Variants in CDH13 observed in about 807,000 individuals in gnomAD.
CDH13 encodes cadherin 13.
A neutral mutation model predicts 63.8 loss-of-function variants in CDH13; 24 were observed. The observed-to-expected ratio is 0.38, with a 90% CI of 0.27 to 0.53. CDH13 has a LOEUF of 0.53. Among genes scored for constraint, CDH13 ranks in the 20% least tolerant of loss-of-function variants. CDH13 has a pLI of 0.85. For synonymous variants in CDH13, 503 were observed against 355.3 expected (o/e 1.42, Z -4.67); for missense variants, 1,049 against 903.1 (o/e 1.16, Z -2.07).
intron 10 of CDH13, among the ~76,000 whole-genome samples, chr16:83,683,944 G>A (rs1348431380): frequency 6.6e-6 from 1 of 152,214 alleles, no homozygotes; most frequent in Non-Finnish European, 1.5e-5. Flanking sequence ...GTCTCCAGGT[G>A]AGATGATGAT....
intron 10 of CDH13, among the ~76,000 whole-genome samples, chr16:83,682,598 C>G (rs950362131): frequency 6.6e-6 from 1 of 152,146 alleles, no homozygotes; most frequent in African/African-American, 2.4e-5. Flanking sequence ...ACCACAGTTG[C>G]TGCTGTGTCC....
chr16:82,816,813 G>A (rs1567564495), intron 1 of CDH13, among the ~76,000 whole-genome samples: 1 of 118,332 alleles, frequency 8.5e-6, no homozygotes, highest in South Asian at 3.4e-4. Context: ...CGGGGGGCGG[G>A]GGGTGGGGGG....
intron 1 of CDH13, among the ~76,000 whole-genome samples, chr16:82,674,229 G>A (rs1408531098): frequency 6.6e-6 from 1 of 152,126 alleles, no homozygotes; most frequent in Non-Finnish European, 1.5e-5. Context: ...ATTGGCCTAT[G>A]GAAGTCACCA....
intron 7 of CDH13, among the ~76,000 whole-genome samples, chr16:83,578,943 A>G (rs745367566): frequency 4.6e-5 from 7 of 152,242 alleles, no homozygotes; most frequent in Non-Finnish European, 8.8e-5. Context: ...GGTAGTTAGT[A>G]GCGGAGTCAA....
chr16:82,842,586 G>A lies in CDH13; in HGVS notation c.46-15776G>A, dbSNP rs563753514. On this transcript the variant is annotated intron_variant, in intron 1 of 13. Transcript: ENST00000567109. ...TTTTGCTGTTTCTATGAGGTCAGAAGTCCCCAACTTTTTGGCACTAGGACT... is the reference window on the plus strand; with the variant it reads ...TTTTGCTGTTTCTATGAGGTCAGAAATCCCCAACTTTTTGGCACTAGGACT... Among the ~76,000 whole-genome samples the A allele has an allele frequency of 5.9e-5, 9 of 152,208 alleles. No individual in the cohort carries two copies. The East Asian group carries it at 1.5e-3, about 26-fold the overall frequency.
At chr16:83,755,723 A>C (rs1349526274) in intron 11 of CDH13, among the ~76,000 whole-genome samples, 1 of 150,050 alleles carries the variant, frequency 6.7e-6, no homozygotes, top group African/African-American at 2.4e-5. Context: ...TCCCTTCAAA[A>C]TCAAGGTGAA....
At chr16:82,973,533 T>C (rs1404797045) in intron 2 of CDH13, among the ~76,000 whole-genome samples, 3 of 152,162 alleles carry the variant, frequency 2.0e-5, no homozygotes, top group Non-Finnish European at 2.9e-5. Context: ...GAAAACAAGG[T>C]GTAGTCCCTA....
chr16:82,683,669 ATAAT>A (rs1411205242), intron 1 of CDH13, among the ~76,000 whole-genome samples: 2 of 152,216 alleles, frequency 1.3e-5, no homozygotes, highest in African/African-American at 4.8e-5. Context: ...GTTGATAGAG[ATAAT>A]TAATTAGGAA....
intron 4 of CDH13, among the ~76,000 whole-genome samples, chr16:83,149,142 GA>G (rs1328803796): frequency 6.6e-6 from 1 of 152,128 alleles, no homozygotes; most frequent in Non-Finnish European, 1.5e-5. Flanking sequence ...GGTAAGGTTG[GA>G]ATTACATTAT....
At chr16:83,422,088 G>C (rs542591547) in intron 6 of CDH13, among the ~76,000 whole-genome samples, 1 of 152,090 alleles carries the variant, frequency 6.6e-6, no homozygotes, top group Non-Finnish European at 1.5e-5. Flanking sequence ...CAGAAAAGTT[G>C]GTAGATTTTG....
chr16:82,667,036 G>A (rs372056866), intron 1 of CDH13, among the ~76,000 whole-genome samples: 13 of 152,148 alleles, frequency 8.5e-5, no homozygotes, highest in East Asian at 5.8e-4. Context: ...GCCTTCTGAT[G>A]TTTCTCTCCA....
chr16:82,885,553 A>C (rs1306192616), intron 2 of CDH13, among the ~76,000 whole-genome samples: 1 of 151,680 alleles, frequency 6.6e-6, no homozygotes, highest in African/African-American at 2.4e-5. Flanking sequence ...CCAGCCATCC[A>C]TCCATTCACT....
At chr16:83,372,763 A>C (rs913065314) in intron 6 of CDH13, among the ~76,000 whole-genome samples, 1 of 151,408 alleles carries the variant, frequency 6.6e-6, no homozygotes, top group African/African-American at 2.4e-5. Flanking sequence ...AAAAAAAAAA[A>C]AAAAAAAAAA....
intron 1 of CDH13, among the ~76,000 whole-genome samples, chr16:82,725,811 C>T (rs2033064229): frequency 1.3e-5 from 2 of 152,020 alleles, no homozygotes; most frequent in Admixed American, 6.6e-5. Context: ...TACTTATTAC[C>T]AGGTTATTTC....
chr16:83,023,237 T>C (rs1329720172), intron 2 of CDH13: 1 of 152,206 alleles, frequency 6.6e-6, no homozygotes, highest in Non-Finnish European at 1.5e-5. Flanking sequence ...GAAAGCATAA[T>C]TGAAACTCTG....
chr16:83,064,812 G>C (rs1344700597), intron 3 of CDH13, among the ~76,000 whole-genome samples: 4 of 152,116 alleles, frequency 2.6e-5, no homozygotes, highest in Non-Finnish European at 5.9e-5. Flanking sequence ...ATTAAATCAA[G>C]CTAATTAACA....
At chr16:83,456,643 C>G (rs1322804212) in intron 6 of CDH13, among the ~76,000 whole-genome samples, 2 of 152,098 alleles carry the variant, frequency 1.3e-5, no homozygotes, top group African/African-American at 4.8e-5. Context: ...GTTTAGGAAG[C>G]AGTGAATGAT....
chr16:83,062,697 C>G (rs1400044852), intron 3 of CDH13, among the ~76,000 whole-genome samples: 1 of 152,194 alleles, frequency 6.6e-6, no homozygotes, highest in East Asian at 1.9e-4. Flanking sequence ...GGCTGTGTAA[C>G]AAACTACTCC....
intron 2 of CDH13, among the ~76,000 whole-genome samples, chr16:82,983,892 C>G (rs533403868): frequency 1.3e-5 from 2 of 152,240 alleles, no homozygotes; most frequent in East Asian, 1.9e-4. Context: ...GTAGAAGCTT[C>G]TAGGAAGCGG....
Sources: allele counts gnomAD v4.1 joint callset (sites outside exome capture counted in the v4.1 genomes callset), GRCh38; gene constraint gnomAD v4.1.1; transcripts MANE v1.5; gene names NCBI Gene and HGNC (gene_info 2026-07-23, HGNC 2026-07-21).